The following FMO5 variants were observed in gnomAD, a reference collection of about 807,000 sequenced individuals.
FMO5 encodes the protein flavin containing dimethylaniline monoxygenase 5.
In FMO5, 51 loss-of-function variants were observed where a neutral mutation model predicts 43.6. The observed-to-expected ratio is 1.17, with a 90% confidence interval of 0.93 to 1.48. The LOEUF (loss-of-function observed/expected upper bound fraction) is 1.48, where lower values mean the gene tolerates loss of function less well. Ranked by LOEUF, FMO5 falls within the 40% of genes most tolerant of loss-of-function variation. The pLI is 0.00. For missense variants in FMO5, 644 were observed against 643.0 expected, an observed-to-expected ratio of 1.00 and a Z score of -0.02; for synonymous variants, 187 against 216.5, an observed-to-expected ratio of 0.86 and a Z score of 1.20.
Position 147,201,332 on chromosome 1 carries a change from C to G in FMO5, c.1003G>C (p.Asp335His). The change falls in exon 7 of 9, where the codon GAC (aspartate) becomes CAC (histidine). Residue 335 changes from aspartate to histidine, a missense_variant. Asp to His is a moderately conservative substitution (Grantham distance 81). Coordinates refer to ENST00000254090, the MANE Select transcript of FMO5 (RefSeq NM_001461.4). ...ACGGAATCTTCCAGAAATGGAAAGT[C>G]AAAGCTATAGCCTGTGGCAAAGATA... ...AVIFATGYSFDFPFLEDSVKV... is the reference protein window; with the variant it reads ...AVIFATGYSFHFPFLEDSVKV... 1 of 1,614,130 alleles carries G rather than the reference C, an allele frequency of 6.2e-7. No homozygotes were observed. The highest frequency in any genetic ancestry group is 1.3e-5 in the African/African-American group (1 of 75,030).
chr1:147,223,100 T>C lies in FMO5; in HGVS notation c.135+1795A>G, dbSNP rs189930761. ...CTTCTTAAAGATGAAGAAACACAGG[T>C]ACAGAGAAGCTTAATGATGTGCCCA... is the stretch of plus-strand genomic sequence containing the variant. On this transcript the variant is annotated intron_variant, in intron 2 of 8. Transcript: ENST00000254090. Among the ~76,000 whole-genome samples, 328 of 152,298 alleles carry C rather than the reference T, an allele frequency of 2.2e-3. 2 individuals carry two copies. Among genetic ancestry groups the C allele is most frequent in the Non-Finnish European group, 3.1e-3 (214 of 68,026 alleles).
chr1:147,193,332 A>G (rs2101748789), intron 7 of FMO5, among the ~76,000 whole-genome samples: 1 of 152,160 alleles, frequency 6.6e-6, no homozygotes, highest in South Asian at 2.1e-4. Flanking sequence ...GGTAGTTTGT[A>G]TTTCTGTGGG....
intron 8 of FMO5, 39 bp from the exon 9 acceptor site, chr1:147,187,284 T>C (rs1553917391): frequency 2.7e-6 from 4 of 1,466,790 alleles, no homozygotes; most frequent in Non-Finnish European, 3.7e-6. Flanking sequence ...CTGTCAATAA[T>C]TCAATCAGTC....
rs1467853362 is a variant in FMO5 at position 147,190,385 on chromosome 1, T to C, written c.1184-136A>G. 8 of 578,636 alleles carry C rather than the reference T, an allele frequency of 1.4e-5. No homozygotes were observed. The East Asian group carries it at 2.3e-4, about 17-fold the overall frequency. 35.8% of individuals were successfully genotyped at this position (578,636 alleles called of 1,614,324 possible). A position where few individuals can be genotyped will look rare whatever the true frequency, so the allele number is the denominator to read the frequency against. ...TGTACTCAAGGAGGTTACAATTCAC[T>C]TGATCACCTTACCACCACCACAATA... On this transcript the variant is annotated intron_variant, in intron 7 of 8. Coordinates refer to ENST00000254090, the MANE Select transcript of FMO5 (RefSeq NM_001461.4).
intron 7 of FMO5, among the ~76,000 whole-genome samples, chr1:147,199,298 G>A (rs1553920399): frequency 6.6e-6 from 1 of 152,122 alleles, no homozygotes; most frequent in Non-Finnish European, 1.5e-5. Context: ...ATAATTCAGG[G>A]AAGAGAAAGG....
chr1:147,195,411 G>A (rs1223397938), intron 7 of FMO5, among the ~76,000 whole-genome samples: 1 of 151,802 alleles, frequency 6.6e-6, no homozygotes, highest in Non-Finnish European at 1.5e-5. Flanking sequence ...GGGATTACAG[G>A]CATGAGCCAC....
chr1:147,215,805 A>C lies in FMO5; in HGVS notation c.273T>G (p.Tyr91Ter). The C allele has an allele frequency of 6.2e-7, 1 of 1,613,418 alleles. No homozygotes were observed. Residue 91 changes from tyrosine (Y) to a stop codon, truncating the protein, a stop_gained, in exon 3 of 9, where the codon TAT becomes TAG. Transcript: ENST00000254090. LOFTEE classifies it high-confidence loss of function. The stretch of plus-strand genomic sequence containing the variant: ...CAAATTCTTTGGCATACATCCTGAA[A>C]TACTCCAGGACCTGGGCATTATGCA... ...NFMHNAQVLEYFRMYAKEFDL... is the reference protein window; with the variant it reads ...NFMHNAQVLE
At chr1:147,209,217 A>T (rs372515905) in intron 5 of FMO5, among the ~76,000 whole-genome samples, 166 bp from the exon 6 acceptor site, 3 of 152,116 alleles carry the variant, frequency 2.0e-5, no homozygotes, top group East Asian at 1.9e-4. Flanking sequence ...CAGGAGATCG[A>T]GACCATCCTG....
rs1312534890 is a variant in FMO5 at position 147,206,267 on chromosome 1, A to G, written c.830+2585T>C. On this transcript the variant is annotated intron_variant, in intron 6 of 8. Coordinates refer to ENST00000254090, the MANE Select transcript of FMO5 (RefSeq NM_001461.4). ...GCGATCATTAAAAAGTCAGGAAACA[A>G]CAGGTGCTGGAGAGGATGTGGAGAA... Among the ~76,000 whole-genome samples, 63 of 151,956 alleles carry G rather than the reference A, an allele frequency of 4.1e-4. 1 individual carries two copies. The South Asian group carries it at 0.012, about 29-fold the overall frequency.
chr1:147,191,197 C>A (rs753069778), intron 7 of FMO5, among the ~76,000 whole-genome samples: 36 of 152,090 alleles, frequency 2.4e-4, no homozygotes, highest in Non-Finnish European at 4.3e-4. Flanking sequence ...GGGTATATAC[C>A]CAGTAATGGG....
At position 147,186,964 on chromosome 1, in the gene FMO5, G is replaced by A; in HGVS notation, c.1538C>T (p.Thr513Ile). 1 of 1,614,184 alleles carries A rather than the reference G, an allele frequency of 6.2e-7. No homozygotes were observed. Among genetic ancestry groups the A allele is most frequent in the Non-Finnish European group, 8.5e-7 (1 of 1,180,016 alleles). The change falls in exon 9 of 9, where the codon ACA becomes ATA. Residue 513 changes from threonine to isoleucine, a missense_variant. Coordinates refer to ENST00000254090, the MANE Select transcript of FMO5 (RefSeq NM_001461.4). ...VVERSSSMTS[T>I]MTIGKFMLAL... ...TAGCATAAACTTGCCTATTGTCATTGTTGAAGTCATAGAACTACTCCTTTC... is the reference window on the plus strand; with the variant it reads ...TAGCATAAACTTGCCTATTGTCATTATTGAAGTCATAGAACTACTCCTTTC...
At chr1:147,190,349 G>T in intron 7 of FMO5, 100 bp from the exon 8 acceptor site, 1 of 742,444 alleles carries the variant, frequency 1.3e-6, no homozygotes, top group South Asian at 1.8e-5. Flanking sequence ...AGAAATACAG[G>T]GTAAGTTTCC....
chr1:147,212,363 C>T, intron 5 of FMO5, 30 bp downstream of exon 5: 1 of 1,611,608 alleles, frequency 6.2e-7, no homozygotes, highest in Admixed American at 1.7e-5. Flanking sequence ...TAGAGTTAAG[C>T]AACGTAAATA....
chr1:147,206,776 G>A (rs181419789), intron 6 of FMO5, among the ~76,000 whole-genome samples: 177 of 152,204 alleles, frequency 1.2e-3, no homozygotes, highest in Non-Finnish European at 1.7e-3. Flanking sequence ...GGTGGGAAGA[G>A]TGGGGAAGCA....
downstream of FMO5, chr1:147,184,665 A>C (rs2101664308): frequency 6.8e-7 from 1 of 1,476,060 alleles, no homozygotes; most frequent in East Asian, 2.6e-5. This position sits in a 1 kb window ranked among gnomAD's most constrained non-coding sequence, Gnocchi z 4.4. Context: ...TACAACAGAG[A>C]GGTAAAGTGG....
At chr1:147,187,632 A>C (rs1655867588) in intron 8 of FMO5, among the ~76,000 whole-genome samples, 1 of 152,168 alleles carries the variant, frequency 6.6e-6, no homozygotes. Flanking sequence ...AAAATTCTCA[A>C]GTATGGCATC....
chr1:147,205,725 G>A (rs1191584808), intron 6 of FMO5, among the ~76,000 whole-genome samples: 1 of 152,150 alleles, frequency 6.6e-6, no homozygotes, highest in East Asian at 1.9e-4. Context: ...GTACAAAGCT[G>A]AAACTTGATC....
chr1:147,205,051 T>C (rs1553921977), intron 6 of FMO5: 107 of 658,408 alleles, frequency 1.6e-4, no homozygotes, highest in East Asian at 5.4e-5. Flanking sequence ...TGCTATATAG[T>C]CCAGCCATAC....
At chr1:147,207,140 T>C (rs1660236635) in intron 6 of FMO5, among the ~76,000 whole-genome samples, 1 of 152,192 alleles carries the variant, frequency 6.6e-6, no homozygotes, top group African/African-American at 2.4e-5. Context: ...ATGATGGTTA[T>C]GTAGGAGAAT....
Sources: allele counts gnomAD v4.1 joint callset (sites outside exome capture counted in the v4.1 genomes callset), GRCh38; gene constraint gnomAD v4.1.1; non-coding constraint Gnocchi (gnomAD v3.1); transcripts MANE v1.5; gene names NCBI Gene and HGNC (gene_info 2026-07-23, HGNC 2026-07-21).